Variants in EPHB1 observed in about 807,000 individuals in gnomAD.
EPHB1 encodes EPH receptor B1, also known as ephrin type-B receptor 1.
A neutral mutation model predicts 94.4 loss-of-function variants in EPHB1; 30 were observed. The ratio of observed to expected loss-of-function variants is 0.32; its 90% confidence interval spans 0.24 to 0.43. The LOEUF is 0.43. EPHB1 is among the 20% of genes least tolerant of loss of function. EPHB1 has a pLI of 1.00. For missense variants in EPHB1, 1,055 were observed against 1,308.3 expected (o/e 0.81, Z 2.99); for synonymous variants, 522 against 489.1 (o/e 1.07, Z -0.89).
chr3:135,040,509 C>T (rs1936798005), intron 3 of EPHB1, among the ~76,000 whole-genome samples: 1 of 152,202 alleles, frequency 6.6e-6, no homozygotes, highest in South Asian at 2.1e-4. Context: ...GTAAAACAGG[C>T]CCAGCCCTGA....
intron 4 of EPHB1, among the ~76,000 whole-genome samples, chr3:135,121,285 A>G (rs1042472053): frequency 3.9e-5 from 6 of 152,180 alleles, no homozygotes; most frequent in Admixed American, 3.9e-4. Context: ...GCAAATTCCT[A>G]TCCAGATCTG....
chr3:135,070,868 T>G (rs946128449), intron 3 of EPHB1, among the ~76,000 whole-genome samples: 2 of 152,192 alleles, frequency 1.3e-5, no homozygotes, highest in Admixed American at 6.5e-5. Context: ...GAGAAAGCTC[T>G]GTAACTGCAA....
intron 15 of EPHB1, among the ~76,000 whole-genome samples, chr3:135,250,607 G>C (rs1270112608): frequency 6.6e-6 from 1 of 152,108 alleles, no homozygotes; most frequent in Non-Finnish European, 1.5e-5. Context: ...AGCAAAGTTT[G>C]GGAACCACTG....
intron 3 of EPHB1, among the ~76,000 whole-genome samples, chr3:135,065,473 T>C (rs1937569394): frequency 6.6e-6 from 1 of 152,244 alleles, no homozygotes. Context: ...CTTTGTCTTT[T>C]TAAAGTTTGT....
intron 12 of EPHB1, among the ~76,000 whole-genome samples, chr3:135,237,462 A>G (rs905987692): frequency 6.6e-6 from 1 of 152,050 alleles, no homozygotes; most frequent in African/African-American, 2.4e-5. Flanking sequence ...TCTTGAAGGG[A>G]ACTCAGACCC....
intron 1 of EPHB1, among the ~76,000 whole-genome samples, chr3:134,844,855 T>C (rs2036841486): frequency 6.6e-6 from 1 of 152,246 alleles, no homozygotes; most frequent in African/African-American, 2.4e-5. Flanking sequence ...CTCCCTCTGC[T>C]CTAGCCACAA....
At chr3:135,218,986 C>T (rs991790924) in intron 12 of EPHB1, among the ~76,000 whole-genome samples, 3 of 152,182 alleles carry the variant, frequency 2.0e-5, no homozygotes, top group Admixed American at 2.0e-4. Flanking sequence ...TCTGCTTGCT[C>T]AGCAAGGACA....
chr3:134,919,404 G>T (rs2038632161), intron 1 of EPHB1, among the ~76,000 whole-genome samples: 1 of 152,168 alleles, frequency 6.6e-6, no homozygotes, highest in African/African-American at 2.4e-5. Context: ...ACAGGCTGGT[G>T]CCCTTAACAG....
intron 4 of EPHB1, among the ~76,000 whole-genome samples, chr3:135,131,704 A>G (rs544470548): frequency 2.0e-5 from 3 of 152,192 alleles, no homozygotes; most frequent in Non-Finnish European, 4.4e-5. Context: ...CAGGATTTCC[A>G]CAGTTTTGCA....
chr3:135,179,994 C>T lies in EPHB1; in HGVS notation c.1882+12C>T, dbSNP rs375455436. 50 of 1,613,308 alleles carry T rather than the reference C, an allele frequency of 3.1e-5. No homozygotes were observed. The highest frequency in any genetic ancestry group is 6.7e-5 in the African/African-American group (5 of 74,888). ...GGTCATCGGAGCAGGTATGGCTCTT[C>T]CCTGTCTTGTTTCTGTTCTCCTGGT... On this transcript the variant is annotated intron_variant, in intron 10 of 15. Transcript: ENST00000398015.
At chr3:135,091,164 G>A (rs1047449437) in intron 3 of EPHB1, among the ~76,000 whole-genome samples, 1 of 152,216 alleles carries the variant, frequency 6.6e-6, no homozygotes, top group African/African-American at 2.4e-5. Context: ...TGGAGAGGAG[G>A]CTGTGCAGTG....
At chr3:134,876,389 CA>C (rs1159604008) in intron 1 of EPHB1, among the ~76,000 whole-genome samples, 4 of 152,174 alleles carry the variant, frequency 2.6e-5, no homozygotes, top group Admixed American at 2.6e-4. Flanking sequence ...CAACTCAAAA[CA>C]GCTTAAAGGA....
chr3:135,190,578 T>C (rs1036720365), intron 10 of EPHB1, among the ~76,000 whole-genome samples: 8 of 83,750 alleles, frequency 9.6e-5, no homozygotes, highest in African/African-American at 3.7e-4. Context: ...CACACACATA[T>C]GTGACAGGTC....
At chr3:134,952,645 T>C (rs1161839066) in intron 3 of EPHB1, among the ~76,000 whole-genome samples, 1 of 152,166 alleles carries the variant, frequency 6.6e-6, no homozygotes, top group South Asian at 2.1e-4. Flanking sequence ...TGGAAGGAGA[T>C]GAAACTATTG....
chr3:134,935,335 A>G (rs566214138), intron 2 of EPHB1, among the ~76,000 whole-genome samples: 1 of 152,204 alleles, frequency 6.6e-6, no homozygotes, highest in African/African-American at 2.4e-5. Context: ...TTGTCAGAAG[A>G]AAGATGAGCC....
chr3:134,921,327 C>T (rs2107699946), intron 1 of EPHB1, among the ~76,000 whole-genome samples: 1 of 152,270 alleles, frequency 6.6e-6, no homozygotes, highest in African/African-American at 2.4e-5. Context: ...CACCCCTTTC[C>T]AGGAAACCTC....
intron 12 of EPHB1, among the ~76,000 whole-genome samples, chr3:135,204,456 T>G (rs1315489623): frequency 2.0e-5 from 3 of 152,142 alleles, no homozygotes; most frequent in Non-Finnish European, 4.4e-5. Flanking sequence ...TCTGGCCACC[T>G]TGGTCTCCCA....
At chr3:134,909,789 G>C (rs370000401) in intron 1 of EPHB1, among the ~76,000 whole-genome samples, 1 of 152,224 alleles carries the variant, frequency 6.6e-6, no homozygotes, top group Non-Finnish European at 1.5e-5. Context: ...AAAGCCAAGT[G>C]GACAAATGAC....
chr3:134,921,302 C>T (rs1481167907), intron 1 of EPHB1, among the ~76,000 whole-genome samples: 2 of 152,176 alleles, frequency 1.3e-5, no homozygotes, highest in African/African-American at 2.4e-5. Flanking sequence ...CCATTCTTCC[C>T]TCCTCACCAC....
Sources: allele counts gnomAD v4.1 joint callset (sites outside exome capture counted in the v4.1 genomes callset), GRCh38; gene constraint gnomAD v4.1.1; transcripts MANE v1.5; gene names NCBI Gene and HGNC (gene_info 2026-07-23, HGNC 2026-07-21).